Variants in CELF4 observed in about 807,000 individuals in gnomAD.
The protein encoded by CELF4 is CUG-BP- and ETR-3-like factor 4.
CELF4 carries 18 observed loss-of-function variants against 59.9 expected under a neutral mutation model. That is an observed-to-expected ratio of 0.30 (90% CI 0.21 to 0.45). CELF4 has a LOEUF of 0.45. Ranked by LOEUF, CELF4 falls within the 20% of genes least tolerant of loss-of-function variation. CELF4 has a pLI of 1.00. For synonymous variants in CELF4, 261 were observed against 267.1 expected (o/e 0.98, Z 0.22); for missense variants, 456 against 689.0 (o/e 0.66, Z 3.79).
Position 37,356,128 on chromosome 18 carries a change from C to G in CELF4, c.370-34247G>C, listed in dbSNP as rs913392220. Among the ~76,000 whole-genome samples, 10 of 152,288 alleles carry G rather than the reference C, an allele frequency of 6.6e-5. 1 individual carries two copies. The Middle Eastern group carries it at 0.014, about 207-fold the overall frequency. The stretch of plus-strand genomic sequence containing the variant: ...GACAGTCCAGTGGCCAAGGAGAATA[C>G]CCACACCTTTCCATTTTCTATTAGG... On this transcript the variant is annotated intron_variant, in intron 2 of 12. Transcript: ENST00000420428.
chr18:37,498,762 G>A (rs568828123), intron 1 of CELF4, among the ~76,000 whole-genome samples: 5 of 152,184 alleles, frequency 3.3e-5, no homozygotes, highest in South Asian at 2.1e-4. Context: ...CTGGAGTTCC[G>A]GGAGAGGGTT....
chr18:37,540,288 C>T (rs2099976861), intron 1 of CELF4, among the ~76,000 whole-genome samples: 1 of 152,234 alleles, frequency 6.6e-6, no homozygotes, highest in African/African-American at 2.4e-5. Flanking sequence ...CCCAGAGCCT[C>T]CCAGGTACCT....
At chr18:37,446,974 T>C (rs533736350) in intron 2 of CELF4, among the ~76,000 whole-genome samples, 2 of 152,334 alleles carry the variant, frequency 1.3e-5, no homozygotes, top group South Asian at 2.1e-4. Flanking sequence ...TTTCACTCAT[T>C]CACTCACTCA....
chr18:37,419,398 G>A (rs756169726), intron 2 of CELF4, among the ~76,000 whole-genome samples: 50 of 152,192 alleles, frequency 3.3e-4, no homozygotes, highest in Non-Finnish European at 6.9e-4. Flanking sequence ...AGGAAAAGAC[G>A]CAGGAGAGAT....
intron 10 of CELF4, among the ~76,000 whole-genome samples, chr18:37,263,908 C>T (rs1464066587): frequency 1.3e-5 from 2 of 152,138 alleles, no homozygotes; most frequent in Admixed American, 6.5e-5. Flanking sequence ...CTCTCATTCC[C>T]CTCAGCCATG....
At chr18:37,362,145 C>T (rs886526703) in intron 2 of CELF4, among the ~76,000 whole-genome samples, 6 of 152,110 alleles carry the variant, frequency 3.9e-5, no homozygotes, top group African/African-American at 7.2e-5. Flanking sequence ...CCTGCAGTCA[C>T]CCTGACCCCC....
chr18:37,340,014 C>T lies in CELF4; in HGVS notation c.370-18133G>A, dbSNP rs545898430. On this transcript the variant is annotated intron_variant, in intron 2 of 12. Transcript: ENST00000420428. ...ATCAGCGCATTAATCCTTATTAGCACGGCTGCGTTAAGCCCTTTCCTCCTT... is the reference window on the plus strand; with the variant it reads ...ATCAGCGCATTAATCCTTATTAGCATGGCTGCGTTAAGCCCTTTCCTCCTT... 9.2e-5 allele frequency among the ~76,000 whole-genome samples: 14 copies of T among 152,310 alleles called. No individual in the cohort carries two copies. In the South Asian group the frequency reaches 1.4e-3, roughly 16 times the overall value.
At chr18:37,447,878 A>G (rs1162073406) in intron 2 of CELF4, among the ~76,000 whole-genome samples, 2 of 152,176 alleles carry the variant, frequency 1.3e-5, no homozygotes, top group Non-Finnish European at 2.9e-5. Flanking sequence ...GAACCCTAAC[A>G]GCCAGATGGC....
chr18:37,339,751 C>T (rs1271174909), intron 2 of CELF4, among the ~76,000 whole-genome samples: 3 of 140,332 alleles, frequency 2.1e-5, no homozygotes, highest in African/African-American at 5.4e-5. Flanking sequence ...GAGACTCTGT[C>T]TCAAAAAAAA....
intron 1 of CELF4, among the ~76,000 whole-genome samples, chr18:37,490,656 T>A (rs1413163980): frequency 6.6e-6 from 1 of 152,122 alleles, no homozygotes; most frequent in East Asian, 1.9e-4. Flanking sequence ...TGTAAATGAT[T>A]CTGGTTCTTT....
intron 1 of CELF4, among the ~76,000 whole-genome samples, chr18:37,493,216 C>T (rs943213438): frequency 6.6e-6 from 1 of 152,236 alleles, no homozygotes; most frequent in African/African-American, 2.4e-5. Context: ...CTGCCTTCCC[C>T]CATGCCTCAC....
intron 2 of CELF4, among the ~76,000 whole-genome samples, chr18:37,322,677 C>T (rs1375268100): frequency 1.3e-5 from 2 of 152,226 alleles, no homozygotes; most frequent in African/African-American, 2.4e-5. Context: ...CACCGGGAGG[C>T]ACCAGGGTGG....
chr18:37,434,715 C>G (rs1011057926), intron 2 of CELF4, among the ~76,000 whole-genome samples: 2 of 152,102 alleles, frequency 1.3e-5, no homozygotes, highest in Non-Finnish European at 2.9e-5. Flanking sequence ...GCCACAGATG[C>G]GATCAGTAAA....
At chr18:37,527,698 G>C (rs2099965453) in intron 1 of CELF4, among the ~76,000 whole-genome samples, 1 of 152,164 alleles carries the variant, frequency 6.6e-6, no homozygotes, top group Non-Finnish European at 1.5e-5. Context: ...TCTGGCTGCG[G>C]GGTGGGATAA....
intron 2 of CELF4, among the ~76,000 whole-genome samples, chr18:37,337,731 A>G (rs1003636944): frequency 1.3e-5 from 2 of 152,194 alleles, no homozygotes; most frequent in African/African-American, 2.4e-5. Context: ...TTTGCCACTC[A>G]GTGACAGAAG....
At chr18:37,511,321 A>G (rs948539) in intron 1 of CELF4, among the ~76,000 whole-genome samples, 133,821 of 152,064 alleles carry the variant, frequency 0.88, 59,472 homozygotes, top group East Asian at 0.97. Context: ...TGATGCTTCC[A>G]GCAAGCCAAG....
chr18:37,496,938 C>T (rs2099925852), intron 1 of CELF4, among the ~76,000 whole-genome samples: 2 of 152,200 alleles, frequency 1.3e-5, no homozygotes, highest in South Asian at 4.1e-4. Flanking sequence ...GCAGCATTCT[C>T]ATTTTTCAGA....
chr18:37,374,131 T>G (rs1386057312), intron 2 of CELF4, among the ~76,000 whole-genome samples: 1 of 152,198 alleles, frequency 6.6e-6, no homozygotes, highest in Admixed American at 6.5e-5. Context: ...AGGTGGCTAC[T>G]GTGTCCCAGA....
At chr18:37,543,617 G>T (rs755381144) in intron 1 of CELF4, among the ~76,000 whole-genome samples, 1 of 152,196 alleles carries the variant, frequency 6.6e-6, no homozygotes, top group African/African-American at 2.4e-5. Flanking sequence ...GCACCTGGCT[G>T]GAACCAGCAG....
Sources: gnomAD v4.1 joint callset for allele counts (sites outside exome capture counted in the v4.1 genomes callset) on GRCh38, gnomAD v4.1.1 for gene constraint, MANE v1.5 for transcripts, NCBI Gene and HGNC (gene_info 2026-07-23, HGNC 2026-07-21) for gene names.